The following GRIP1 variants were observed in gnomAD, a reference collection of about 807,000 sequenced individuals.
GRIP1 encodes glutamate receptor interacting protein 1.
GRIP1 carries 45 observed loss-of-function variants against 129.9 expected under a neutral mutation model. The ratio of observed to expected loss-of-function variants is 0.35; its 90% CI spans 0.27 to 0.44. The LOEUF (loss-of-function observed/expected upper bound fraction) is 0.44, where lower values mean the gene tolerates loss of function less well. Ranked by LOEUF, GRIP1 falls within the 20% of genes least tolerant of loss-of-function variation. The probability of loss-of-function intolerance (pLI) is 1.00; values close to 1 mark genes in which losing one functional copy is unlikely to be tolerated. For synonymous variants in GRIP1, 530 were observed against 520.8 expected (o/e 1.02, Z -0.24); for missense variants, 1,196 against 1,396.8 (o/e 0.86, Z 2.29).
chr12:66,378,810 G>T (rs1215426609), intron 20 of GRIP1, among the ~76,000 whole-genome samples: 1 of 152,046 alleles, frequency 6.6e-6, no homozygotes, highest in East Asian at 1.9e-4. Context: ...AGGCACATGT[G>T]GTGGCACAGG....
At chr12:66,751,246 AT>A (rs2037117693) in intron 1 of GRIP1, among the ~76,000 whole-genome samples, 1 of 152,186 alleles carries the variant, frequency 6.6e-6, no homozygotes, top group South Asian at 2.1e-4. Flanking sequence ...TCTAAATGTA[AT>A]GAAAAGGAAA....
intron 17 of GRIP1, 29 bp downstream of exon 17, chr12:66,394,179 G>A: frequency 1.2e-6 from 2 of 1,602,324 alleles, no homozygotes; most frequent in Non-Finnish European, 1.7e-6. Flanking sequence ...TCAGACACAG[G>A]TAATTATAAC....
chr12:66,647,378 G>A (rs1592697425), intron 1 of GRIP1: 1 of 152,232 alleles, frequency 6.6e-6, no homozygotes, highest in African/African-American at 2.4e-5. Context: ...TACATTATAC[G>A]ACATCATAAT....
intron 23 of GRIP1, among the ~76,000 whole-genome samples, chr12:66,359,032 C>G (rs1057032849): frequency 6.6e-6 from 1 of 152,212 alleles, no homozygotes; most frequent in African/African-American, 2.4e-5. Context: ...AAGCAACACA[C>G]CTGGGGCAGG....
chr12:66,955,923 A>C (rs1351494490), intron 1 of GRIP1, among the ~76,000 whole-genome samples: 1 of 152,240 alleles, frequency 6.6e-6, no homozygotes, highest in Non-Finnish European at 1.5e-5. Flanking sequence ...AGAGCTTTCG[A>C]GTGAATTAAT....
chr12:66,760,910 G>A (rs1031259102), intron 1 of GRIP1, among the ~76,000 whole-genome samples: 18 of 151,248 alleles, frequency 1.2e-4, no homozygotes, highest in African/African-American at 3.9e-4. Context: ...AAATGACCCA[G>A]TGTGTCAGAT....
At chr12:66,683,268 C>T (rs1405518555), upstream of GRIP1, among the ~76,000 whole-genome samples, 2 of 152,120 alleles carry the variant, frequency 1.3e-5, no homozygotes, top group African/African-American at 2.4e-5. Context: ...TGAGCTCAAA[C>T]ATGTTATAAT....
In GRIP1 at chr12:66,739,170, T is replaced by G. The variant is rs148056801; in HGVS notation, c.-420+64883A>C. Among the ~76,000 whole-genome samples, 52 of 152,280 alleles carry G rather than the reference T, an allele frequency of 3.4e-4. No homozygotes were observed. The East Asian group carries it at 8.5e-3, about 25-fold the overall frequency. The stretch of plus-strand genomic sequence containing the variant: ...CATGCCAACAGGACAACTAAGAGAT[T>G]AGATAATAATCATTATGATTAACAC... On this transcript the variant is annotated intron_variant, in intron 1 of 4. Transcript: ENST00000538373.
intron 1 of GRIP1, among the ~76,000 whole-genome samples, chr12:66,633,225 ATATAT>A (rs1327624311): frequency 6.8e-6 from 1 of 147,650 alleles, no homozygotes; most frequent in Non-Finnish European, 1.5e-5. Flanking sequence ...GTATATATAT[ATATAT>A]GAGTATTTTA....
intron 1 of GRIP1, among the ~76,000 whole-genome samples, chr12:67,010,490 A>G (rs1471786383): frequency 6.6e-6 from 1 of 152,192 alleles, no homozygotes; most frequent in Non-Finnish European, 1.5e-5. Context: ...AACTATGACT[A>G]TACTACGAAT....
intron 2 of GRIP1, among the ~76,000 whole-genome samples, chr12:66,583,721 C>G (rs1592597824): frequency 7.2e-6 from 1 of 138,628 alleles, no homozygotes; most frequent in South Asian, 2.3e-4. Context: ...CCATCTCACA[C>G]CAGTTGGAAT....
intron 1 of GRIP1, chr12:66,803,974 T>C (rs1246908045): frequency 1.1e-5 from 4 of 372,770 alleles, no homozygotes; most frequent in Non-Finnish European, 2.2e-5. Context: ...CTTTTGCATT[T>C]AAGATTAAGG....
At chr12:66,682,470 G>A (rs995920931), upstream of GRIP1, among the ~76,000 whole-genome samples, 3 of 152,066 alleles carry the variant, frequency 2.0e-5, no homozygotes, top group East Asian at 1.9e-4. Context: ...CATAAGAAGG[G>A]GGTGGGTTGT....
At chr12:66,594,841 A>C (rs1457954534) in intron 2 of GRIP1, among the ~76,000 whole-genome samples, 1 of 152,198 alleles carries the variant, frequency 6.6e-6, no homozygotes, top group Non-Finnish European at 1.5e-5. Flanking sequence ...TTCTTGGCCA[A>C]AGATCTGAGA....
intron 19 of GRIP1, among the ~76,000 whole-genome samples, chr12:66,390,142 T>C (rs1175129074): frequency 6.6e-6 from 1 of 152,192 alleles, no homozygotes; most frequent in Non-Finnish European, 1.5e-5. Flanking sequence ...ACCTTGGGCA[T>C]TCAAGTCCAT....
intron 23 of GRIP1, among the ~76,000 whole-genome samples, chr12:66,363,633 CCAGT>C (rs2054944220): frequency 6.6e-6 from 1 of 151,866 alleles, no homozygotes; most frequent in Non-Finnish European, 1.5e-5. Flanking sequence ...TTGACATGAG[CCAGT>C]CATTTACATA....
At chr12:66,555,400 A>G (rs1055653895) in intron 2 of GRIP1, among the ~76,000 whole-genome samples, 1 of 152,180 alleles carries the variant, frequency 6.6e-6, no homozygotes, top group Non-Finnish European at 1.5e-5. Flanking sequence ...TTAGATTCCA[A>G]CACCCACGTC....
Position 66,353,416 on chromosome 12 carries a change from C to T in GRIP1, c.3159+1G>A, listed in dbSNP as rs774858500. On this transcript the variant is annotated splice_donor_variant, in intron 24 of 24. Coordinates refer to ENST00000359742, the MANE Select transcript of GRIP1 (RefSeq NM_001366722.1). LOFTEE classifies it high-confidence loss of function. The stretch of plus-strand genomic sequence containing the variant: ...AATTAAAATTCCACCTGAGGTCTTA[C>T]CTGTAAGAGCCTGTCATAGGGCTTT... The T allele has an allele frequency of 2.5e-6, 4 of 1,607,906 alleles. No individual in the cohort carries two copies. In the Admixed American group the frequency reaches 5.0e-5, roughly 20 times the overall value.
chr12:66,643,531 T>C (rs545769274), intron 1 of GRIP1, among the ~76,000 whole-genome samples: 16 of 152,202 alleles, frequency 1.1e-4, no homozygotes, highest in East Asian at 7.7e-4. Context: ...GAAATTTATA[T>C]AGAATTATTA....
Sources: gnomAD v4.1 joint callset for allele counts (sites outside exome capture counted in the v4.1 genomes callset) on GRCh38, gnomAD v4.1.1 for gene constraint, MANE v1.5 for transcripts, NCBI Gene and HGNC (gene_info 2026-07-23, HGNC 2026-07-21) for gene names.